AFG2A: variants seen among roughly 807,000 people sequenced by gnomAD.
The protein encoded by AFG2A is ATPase family gene 2 protein homolog A.
the AFG2A span, among the ~76,000 whole-genome samples, chr4:122,941,951 A>G: frequency 1.3e-5 from 2 of 151,792 alleles, no homozygotes; most frequent in East Asian, 1.9e-4. Flanking sequence ...ATTTGCATAT[A>G]TTGAACCAGC....
the AFG2A span, among the ~76,000 whole-genome samples, chr4:123,163,606 C>T: frequency 2.0e-5 from 3 of 152,138 alleles, no homozygotes; most frequent in Non-Finnish European, 4.4e-5. Context: ...AGGCTGTACC[C>T]CACTTATGAC....
the AFG2A span, among the ~76,000 whole-genome samples, chr4:123,035,724 T>C: frequency 1.3e-5 from 2 of 152,134 alleles, no homozygotes; most frequent in Non-Finnish European, 2.9e-5. Context: ...AAAGCTGATA[T>C]ATAAAAAAAA....
the AFG2A span, among the ~76,000 whole-genome samples, chr4:122,971,296 A>G: frequency 1.3e-5 from 2 of 152,116 alleles, no homozygotes; most frequent in Non-Finnish European, 2.9e-5. Flanking sequence ...AGTCCCAGCT[A>G]CTTGTGAGGC....
At chr4:122,934,690 G>A in the AFG2A span, 1 of 1,600,698 alleles carries the variant, frequency 6.2e-7, no homozygotes, top group South Asian at 1.1e-5. Flanking sequence ...AGCAATTAGA[G>A]AAATAATTGA....
the AFG2A span, among the ~76,000 whole-genome samples, chr4:123,084,627 AAG>A: frequency 2.8e-5 from 4 of 143,280 alleles, no homozygotes; most frequent in Non-Finnish European, 6.2e-5. Context: ...TATATATATA[AAG>A]AGAGAGAGAC....
At chr4:123,312,726 A>C in the AFG2A span, among the ~76,000 whole-genome samples, 1 of 152,234 alleles carries the variant, frequency 6.6e-6, no homozygotes, top group East Asian at 1.9e-4. Flanking sequence ...TAACCACTAC[A>C]GTTAACTTCG....
chr4:123,116,006 C>G, the AFG2A span, among the ~76,000 whole-genome samples: 1 of 152,036 alleles, frequency 6.6e-6, no homozygotes, highest in Non-Finnish European at 1.5e-5. Context: ...CTCAGGTGAT[C>G]CTCCTGCCTT....
the AFG2A span, among the ~76,000 whole-genome samples, chr4:123,162,570 T>C: frequency 1.3e-5 from 2 of 152,220 alleles, no homozygotes; most frequent in African/African-American, 4.8e-5. Context: ...TTTACTCATA[T>C]TATTGCATTA....
At chr4:123,007,899 T>G in the AFG2A span, among the ~76,000 whole-genome samples, 1 of 151,936 alleles carries the variant, frequency 6.6e-6, no homozygotes, top group African/African-American at 2.4e-5. Context: ...TTGGTTTCCC[T>G]TTTCTCAAGG....
chr4:123,248,615 A>G, the AFG2A span, among the ~76,000 whole-genome samples: 3 of 152,182 alleles, frequency 2.0e-5, no homozygotes, highest in African/African-American at 7.2e-5. Flanking sequence ...TGTTTCTTCT[A>G]TCTATTAGGA....
the AFG2A span, among the ~76,000 whole-genome samples, chr4:123,147,697 T>C: frequency 6.6e-6 from 1 of 152,174 alleles, no homozygotes; most frequent in East Asian, 1.9e-4. Context: ...TAGCAATAAG[T>C]AATAGTTTAC....
chr4:123,008,494 G>T, the AFG2A span, among the ~76,000 whole-genome samples: 66 of 152,236 alleles, frequency 4.3e-4, no homozygotes, highest in Admixed American at 2.7e-3. Context: ...TTTATGATCA[G>T]AAACAAAGGT....
chr4:123,206,601 A>G, the AFG2A span, among the ~76,000 whole-genome samples: 5 of 152,340 alleles, frequency 3.3e-5, no homozygotes, highest in East Asian at 9.6e-4. Flanking sequence ...AGGAACAGCT[A>G]TTAGAAAACT....
At chr4:122,986,918 A>T in the AFG2A span, among the ~76,000 whole-genome samples, 2 of 152,070 alleles carry the variant, frequency 1.3e-5, no homozygotes, top group Non-Finnish European at 2.9e-5. Context: ...AAAGTGGGTT[A>T]TTGAAGTCTC....
chr4:123,237,844 A>C, the AFG2A span, among the ~76,000 whole-genome samples: 1 of 152,132 alleles, frequency 6.6e-6, no homozygotes. Context: ...GGTGCAGCCC[A>C]CGGAGAGTGA....
At chr4:122,976,076 T>C in the AFG2A span, among the ~76,000 whole-genome samples, 1 of 152,338 alleles carries the variant, frequency 6.6e-6, no homozygotes, top group Admixed American at 6.5e-5. Flanking sequence ...GATGGAGTGG[T>C]ATCATTTTAA....
chr4:123,152,533 A>G, the AFG2A span, among the ~76,000 whole-genome samples: 1 of 152,226 alleles, frequency 6.6e-6, no homozygotes, highest in Admixed American at 6.5e-5. Flanking sequence ...TTATACATCA[A>G]AAGAGAAATG....
chr4:122,991,460 C>T, the AFG2A span, among the ~76,000 whole-genome samples: 1 of 152,210 alleles, frequency 6.6e-6, no homozygotes, highest in African/African-American at 2.4e-5. Flanking sequence ...AGACATGTGA[C>T]ATCATGCTGG....
At chr4:123,207,913 C>T in the AFG2A span, among the ~76,000 whole-genome samples, 2 of 152,042 alleles carry the variant, frequency 1.3e-5, no homozygotes, top group Non-Finnish European at 1.5e-5. Flanking sequence ...ACATTTTTTG[C>T]GGAAGTGAGA....
Sources: allele counts gnomAD v4.1 joint callset (sites outside exome capture counted in the v4.1 genomes callset), GRCh38; gene constraint gnomAD v4.1.1; transcripts MANE v1.5; gene names NCBI Gene and HGNC (gene_info 2026-07-23, HGNC 2026-07-21).